The following SND1 variants were observed in gnomAD, a reference collection of about 807,000 sequenced individuals.
SND1 encodes staphylococcal nuclease and tudor domain containing 1.
A neutral mutation model predicts 121.7 loss-of-function variants in SND1; 38 were observed. That is an observed-to-expected ratio of 0.31 (90% CI 0.24 to 0.41). The LOEUF (loss-of-function observed/expected upper bound fraction) is 0.41, where lower values mean the gene tolerates loss of function less well. Among genes scored for constraint, SND1 ranks in the 10% least tolerant of loss-of-function variants. The pLI is 1.00. For missense variants in SND1, 868 were observed against 1,184.6 expected, an observed-to-expected ratio of 0.73 and a Z score of 3.92; for synonymous variants, 401 against 447.4, an observed-to-expected ratio of 0.90 and a Z score of 1.31.
Position 128,092,188 on chromosome 7 carries a change from AT to A in SND1, c.*131del. ...TCCAGCTTTGCTTCAGTGTGTGGAA[AT>A]GTCTCGTGGGGTGGCATCGGGGCTG... On this transcript the variant is annotated 3_prime_UTR_variant, in exon 24 of 24. Transcript: ENST00000354725. This position sits in a 1 kb window ranked among gnomAD's most constrained non-coding sequence, Gnocchi z 4.9. The A allele has an allele frequency of 9.9e-7, 1 of 1,007,320 alleles. No individual in the cohort carries two copies. The allele number at this position is 1,007,320 out of a possible 1,614,324, so 62.4% of individuals were successfully genotyped here.
At chr7:127,825,791 G>A (rs913451618) in intron 11 of SND1, among the ~76,000 whole-genome samples, 3 of 152,212 alleles carry the variant, frequency 2.0e-5, no homozygotes, top group Non-Finnish European at 2.9e-5. Flanking sequence ...ATTATGCTAA[G>A]TTTGGCAAGT....
intron 11 of SND1, among the ~76,000 whole-genome samples, chr7:127,834,382 G>C (rs1419967): frequency 0.28 from 43,260 of 152,166 alleles, 7,733 homozygotes; most frequent in East Asian, 0.7. Flanking sequence ...CCCAGTTTGT[G>C]AATGTGTGTA....
At chr7:127,766,090 G>A (rs1003149181) in intron 10 of SND1, among the ~76,000 whole-genome samples, 1 of 152,192 alleles carries the variant, frequency 6.6e-6, no homozygotes, top group Non-Finnish European at 1.5e-5. Flanking sequence ...GGGCTTGTTG[G>A]AGGGAATTTG....
intron 10 of SND1, among the ~76,000 whole-genome samples, chr7:127,745,882 G>A (rs1420492647): frequency 3.3e-5 from 5 of 152,200 alleles, no homozygotes; most frequent in Non-Finnish European, 4.4e-5. Flanking sequence ...GGTGTGTATC[G>A]TTGAGGTGTA....
intron 12 of SND1, among the ~76,000 whole-genome samples, chr7:127,873,987 A>G (rs1584633426): frequency 6.6e-6 from 1 of 152,316 alleles, no homozygotes; most frequent in African/African-American, 2.4e-5. Flanking sequence ...GATGGAGAAC[A>G]GGGCTCCTGC....
intron 10 of SND1, among the ~76,000 whole-genome samples, chr7:127,805,552 G>A (rs182422627): frequency 6.6e-4 from 100 of 152,252 alleles, no homozygotes; most frequent in Non-Finnish European, 1.0e-3. Flanking sequence ...TTTCTTGGTC[G>A]TAGTCAATGA....
intron 12 of SND1, among the ~76,000 whole-genome samples, chr7:127,883,636 T>C (rs985065860): frequency 2.0e-5 from 3 of 152,170 alleles, no homozygotes; most frequent in African/African-American, 7.2e-5. Flanking sequence ...ACTTGGATAT[T>C]AACACATTGC....
intron 13 of SND1, among the ~76,000 whole-genome samples, chr7:127,900,153 T>C (rs1291892782): frequency 6.6e-6 from 1 of 152,134 alleles, no homozygotes; most frequent in African/African-American, 2.4e-5. Context: ...TACTTTAGGG[T>C]GGATCAGAGA....
intron 1 of SND1, among the ~76,000 whole-genome samples, chr7:127,670,357 A>G (rs1312939975): frequency 2.0e-5 from 3 of 152,062 alleles, no homozygotes; most frequent in Non-Finnish European, 4.4e-5. Flanking sequence ...GGCTCAAGCC[A>G]TCCTCCTACC....
At chr7:128,076,043 C>T (rs529810212) in intron 17 of SND1, among the ~76,000 whole-genome samples, 12 of 152,190 alleles carry the variant, frequency 7.9e-5, no homozygotes, top group African/African-American at 2.2e-4. Flanking sequence ...CAGAGTCTAA[C>T]GCCCAGAGGC....
intron 12 of SND1, among the ~76,000 whole-genome samples, chr7:127,850,525 A>G (rs1003923247): frequency 6.6e-6 from 1 of 152,136 alleles, no homozygotes; most frequent in African/African-American, 2.4e-5. Context: ...CTTTTTCCCC[A>G]CAGATTGATG....
In SND1 at chr7:128,085,937, T is replaced by C. The variant is rs1432211941; in HGVS notation, c.2304+157T>C. On this transcript the variant is annotated intron_variant, in intron 20 of 23. Coordinates refer to ENST00000354725, the MANE Select transcript of SND1 (RefSeq NM_014390.4). The surrounding 1 kb of genome is among the most constrained non-coding windows in gnomAD (Gnocchi z 4.4). ...CGTGTAACAGGCCAGGCCCCCTCAG[T>C]GACCTGGCAAAACTGGGGTCTATGA... Among the ~76,000 whole-genome samples, 1 of 152,152 alleles carries C rather than the reference T, an allele frequency of 6.6e-6. No individual in the cohort carries two copies. The highest frequency in any genetic ancestry group is 1.5e-5 in the Non-Finnish European group (1 of 68,012).
intron 9 of SND1, among the ~76,000 whole-genome samples, chr7:127,717,777 A>G (rs1458179174): frequency 6.6e-6 from 1 of 152,174 alleles, no homozygotes; most frequent in Non-Finnish European, 1.5e-5. Context: ...TTTTGGCAGC[A>G]TTGGGGCTAT....
At chr7:127,844,018 A>G (rs1799011879) in intron 11 of SND1, among the ~76,000 whole-genome samples, 1 of 152,136 alleles carries the variant, frequency 6.6e-6, no homozygotes, top group Non-Finnish European at 1.5e-5. Context: ...CTTATTTGCC[A>G]CTTGTATGTA....
intron 10 of SND1, among the ~76,000 whole-genome samples, chr7:127,751,891 C>T (rs1587640279): frequency 6.6e-6 from 1 of 152,214 alleles, no homozygotes; most frequent in African/African-American, 2.4e-5. Flanking sequence ...GGATGAGGCA[C>T]GACGCTTCCC....
At chr7:127,667,262 G>A (rs950363745) in intron 1 of SND1, among the ~76,000 whole-genome samples, 12 of 152,146 alleles carry the variant, frequency 7.9e-5, no homozygotes, top group Non-Finnish European at 1.6e-4. Flanking sequence ...TATAGGTCAA[G>A]TTTAGGGAAA....
intron 16 of SND1, among the ~76,000 whole-genome samples, chr7:128,044,024 G>A (rs1270217556): frequency 6.6e-6 from 1 of 152,182 alleles, no homozygotes; most frequent in Non-Finnish European, 1.5e-5. Flanking sequence ...CCTGAGAGAG[G>A]CTGTGTCTGG....
intron 17 of SND1, among the ~76,000 whole-genome samples, chr7:128,079,675 G>C (rs1368412085): frequency 6.6e-6 from 1 of 152,238 alleles, no homozygotes; most frequent in Admixed American, 6.5e-5. Context: ...CAGAAGTGTG[G>C]GGTCTGGGTT....
chr7:127,744,623 A>G (rs372877996), intron 10 of SND1, among the ~76,000 whole-genome samples: 2 of 152,204 alleles, frequency 1.3e-5, no homozygotes, highest in African/African-American at 2.4e-5. Flanking sequence ...TCTCAAAGGA[A>G]TCACCTATGT....
Sources: allele counts gnomAD v4.1 joint callset (sites outside exome capture counted in the v4.1 genomes callset), GRCh38; gene constraint gnomAD v4.1.1; non-coding constraint Gnocchi (gnomAD v3.1); transcripts MANE v1.5; gene names NCBI Gene and HGNC (gene_info 2026-07-23, HGNC 2026-07-21).